Variants in RNF207 observed in about 807,000 individuals in gnomAD.
RNF207 encodes the protein ring finger protein 207.
A neutral mutation model predicts 79.0 loss-of-function variants in RNF207; 72 were observed. That is an observed-to-expected ratio of 0.91 (90% CI 0.75 to 1.11). RNF207 has a LOEUF of 1.11. Ranked by LOEUF, RNF207 falls within the 50% of genes least tolerant of loss-of-function variation. The pLI, the probability that RNF207 is intolerant of heterozygous loss-of-function variation, is 0.00. For missense variants in RNF207, 936 were observed against 855.8 expected (o/e 1.09, Z -1.17); for synonymous variants, 348 against 366.2 (o/e 0.95, Z 0.57).
In RNF207 at chr1:6,219,487, T is replaced by C. The variant is rs1253378414; in HGVS notation, c.*80T>C. ...ACTGGACAGAAGGTTGTTCCCATGA[T>C]GGTTTTTTTTATTTTTTATTTTTGA... On this transcript the variant is annotated 3_prime_UTR_variant, in exon 18 of 18. Transcript: ENST00000377939. 7 of 1,081,970 alleles carry C rather than the reference T, an allele frequency of 6.5e-6. No individual in the cohort carries two copies. Among genetic ancestry groups the C allele is most frequent in the Non-Finnish European group, 7.8e-6 (6 of 769,812 alleles). 67.0% of individuals were successfully genotyped at this position (1,081,970 alleles called of 1,614,324 possible).
In RNF207 at chr1:6,219,407, G is replaced by A. The variant is rs759173329; in HGVS notation, c.1905G>A (p.Ter635=). ...DVPTWREHPT[*] ...CCACATGGAGGGAACACCCGACTTA[G>A]CAAATGGGACCGGTCCCCAGGGTCA... is the stretch of plus-strand genomic sequence containing the variant. The change falls in exon 18 of 18, where the codon TAG becomes TAA. Residue 635 remains the stop codon, a stop_retained_variant. Transcript: ENST00000377939. 8.8e-6 allele frequency: 14 copies of A among 1,599,574 alleles called. No homozygotes were observed. The East Asian group carries it at 2.7e-4, about 31-fold the overall frequency.
At chr1:6,215,756 A>G (rs1040151171) in intron 16 of RNF207, among the ~76,000 whole-genome samples, 7 of 151,310 alleles carry the variant, frequency 4.6e-5, no homozygotes, top group Non-Finnish European at 1.0e-4. Flanking sequence ...TCCACCTCCC[A>G]GGTTCAATCG....
rs757688366 is a variant in RNF207, at chr1:6,210,188, G to A, written c.801-35G>A. ...GATGGAACTGCCCGGCCCTGCTCCTGGCCCCCTGGAAACCAGGCAGCCCCC... is the reference window on the plus strand; with the variant it reads ...GATGGAACTGCCCGGCCCTGCTCCTAGCCCCCTGGAAACCAGGCAGCCCCC... On this transcript the variant is annotated intron_variant, in intron 8 of 17. Coordinates refer to ENST00000377939, the MANE Select transcript of RNF207 (RefSeq NM_207396.3). 3.7e-5 allele frequency: 58 copies of A among 1,578,136 alleles called. 2 individuals carry two copies. The South Asian group carries it at 6.1e-4, about 17-fold the overall frequency.
chr1:6,212,914 A>T, intron 15 of RNF207, 152 bp from the exon 16 acceptor site: 1 of 761,462 alleles, frequency 1.3e-6, no homozygotes, highest in Non-Finnish European at 2.3e-6. Context: ...GTCAGGATTC[A>T]TTGAGTAGAA....
Position 6,219,660 on chromosome 1 carries a change from T to C in RNF207, c.*253T>C, listed in dbSNP as rs1557596519. ...GGCGCCTGACACCACGCCCCGCTAATTTTTTGTATTTTTAGTAGAGATGGG... is the reference window on the plus strand; with the variant it reads ...GGCGCCTGACACCACGCCCCGCTAACTTTTTGTATTTTTAGTAGAGATGGG... On this transcript the variant is annotated 3_prime_UTR_variant, in exon 18 of 18. Coordinates refer to ENST00000377939, the MANE Select transcript of RNF207 (RefSeq NM_207396.3). 2 of 224,114 alleles carry C rather than the reference T, an allele frequency of 8.9e-6. No homozygotes were observed. Among genetic ancestry groups the C allele is most frequent in the Non-Finnish European group, 1.7e-5 (2 of 114,410 alleles). The allele number at this position is 224,114 out of a possible 1,614,324, so 13.9% of individuals were successfully genotyped here.
At position 6,217,727 on chromosome 1, in the gene RNF207, C is replaced by A. The variant is rs910613705; in HGVS notation, c.1653-562C>A. ...CCTGAATCCAGATCATCATGGCCAA[C>A]CCTCCTACCCCTCCAGCCGCCATGA... is the stretch of plus-strand genomic sequence containing the variant. On this transcript the variant is annotated intron_variant, in intron 16 of 17. Coordinates refer to ENST00000377939, the MANE Select transcript of RNF207 (RefSeq NM_207396.3). This position sits in a 1 kb window ranked among gnomAD's most constrained non-coding sequence, Gnocchi z 4.2. 6.6e-6 allele frequency among the ~76,000 whole-genome samples: 1 copy of A among 152,162 alleles called. No individual in the cohort carries two copies. Among genetic ancestry groups the A allele is most frequent in the African/African-American group, 2.4e-5 (1 of 41,430 alleles).
chr1:6,213,202 TC>T lies in RNF207; in HGVS notation c.1652+22del. On this transcript the variant is annotated intron_variant, in intron 16 of 17. Coordinates refer to ENST00000377939, the MANE Select transcript of RNF207 (RefSeq NM_207396.3). ...AGCCCAGGTGAGGCCAAGGGGGTGT[TC>T]CCAGGGCCACTGAGACTCTTCAGAA... 1 of 1,502,180 alleles carries T rather than the reference TC, an allele frequency of 6.7e-7. No individual in the cohort carries two copies. The highest frequency in any genetic ancestry group is 9.3e-7 in the Non-Finnish European group (1 of 1,081,066). 93.1% of individuals were successfully genotyped at this position (1,502,180 alleles called of 1,614,324 possible).
intron 4 of RNF207, 23 bp downstream of exon 4, chr1:6,209,048 G>A (rs147735895): frequency 0.014 from 21,922 of 1,539,922 alleles, 355 homozygotes; most frequent in South Asian, 0.062. Flanking sequence ...TGCGGGGCCG[G>A]GGACTTGGGG....
chr1:6,212,173 C>A, intron 13 of RNF207, 58 bp from the exon 14 acceptor site: 2 of 1,562,192 alleles, frequency 1.3e-6, no homozygotes, highest in South Asian at 1.2e-5. Flanking sequence ...TCCACCAAGT[C>A]CATGGCAGTA....
At position 6,219,265 on chromosome 1, in the gene RNF207, G is replaced by C. The variant is rs780138739; in HGVS notation, c.1763G>C (p.Arg588Thr). The change falls in exon 18 of 18, where the codon AGA becomes ACA. Residue 588 changes from arginine (R) to threonine (T), a missense_variant. By Grantham distance (71) the Arg-to-Thr change is moderately conservative. Transcript: ENST00000377939. ...AATCCAGGAAGTGTCCCGGAAAAGAGAGAGAAGACATCAGAGCCTAAAGGA... is the reference window on the plus strand; with the variant it reads ...AATCCAGGAAGTGTCCCGGAAAAGACAGAGAAGACATCAGAGCCTAAAGGA... ...RNNPGSVPEK[R>T]EKTSEPKGNS... 4.3e-6 allele frequency: 7 copies of C among 1,612,454 alleles called. No homozygotes were observed. The Admixed American group carries it at 5.0e-5, about 12-fold the overall frequency.
rs41278918 is a variant in RNF207 at position 6,207,989 on chromosome 1, A to T, written c.324+478A>T. The T allele has an allele frequency of 0.02, 6,664 of 329,384 alleles. 138 individuals carry two copies. Among genetic ancestry groups the T allele is most frequent in the Non-Finnish European group, 0.027 (4,485 of 163,706 alleles). 20.4% of individuals were successfully genotyped at this position (329,384 alleles called of 1,614,324 possible). A position where few individuals can be genotyped will look rare whatever the true frequency, so the allele number is the denominator to read the frequency against. ...TCGGGAATCCCAGGAGGACGGCCCG[A>T]CTGGGGCAAAAGCTCCAGCGTTCTG... On this transcript the variant is annotated intron_variant, in intron 3 of 17. Transcript: ENST00000377939. The surrounding 1 kb of genome is among the most constrained non-coding windows in gnomAD (Gnocchi z 4.5).
intron 16 of RNF207, among the ~76,000 whole-genome samples, chr1:6,215,324 G>A (rs376152845): frequency 4.0e-5 from 6 of 149,888 alleles, no homozygotes; most frequent in East Asian, 2.0e-4. Context: ...CACTGCACCC[G>A]GCCCCCCTTT....
In RNF207 at chr1:6,212,377, G is replaced by A. The variant is rs1668212205; in HGVS notation, c.1443G>A (p.Glu481=). Residue 481 remains glutamate, a synonymous_variant, in exon 14 of 18, where the codon GAG becomes GAA. Coordinates refer to ENST00000377939, the MANE Select transcript of RNF207 (RefSeq NM_207396.3). ...SLQLDVQIAS[E]HASLEGMRVV... The stretch of plus-strand genomic sequence containing the variant: ...AACTGGACGTGCAGATCGCCTCGGA[G>A]CACGCCTCCTTAGAGGGCATGAGGG... 6.2e-7 allele frequency: 1 copy of A among 1,613,384 alleles called. No homozygotes were observed. Among genetic ancestry groups the A allele is most frequent in the Admixed American group, 1.7e-5 (1 of 59,952 alleles).
chr1:6,211,547 C>T lies in RNF207; in HGVS notation c.1110-320C>T, dbSNP rs1203334676. Among the ~76,000 whole-genome samples the T allele has an allele frequency of 2.0e-5, 3 of 152,150 alleles. No individual in the cohort carries two copies. The highest frequency in any genetic ancestry group is 4.4e-5 in the Non-Finnish European group (3 of 68,016). On this transcript the variant is annotated intron_variant, in intron 12 of 17. Transcript: ENST00000377939. The surrounding 1 kb of genome is among the most constrained non-coding windows in gnomAD (Gnocchi z 4.2). Reference sequence around the variant, plus strand: ...ATGTGTGTGTCCAGGGGCCCCAAGACCAAGAGAGACTGGGCCCACACTTCC... The same window carrying T: ...ATGTGTGTGTCCAGGGGCCCCAAGATCAAGAGAGACTGGGCCCACACTTCC...
In RNF207 at chr1:6,207,695, A is replaced by G. The variant is rs1405824035; in HGVS notation, c.324+184A>G. 1 of 746,002 alleles carries G rather than the reference A, an allele frequency of 1.3e-6. No individual in the cohort carries two copies. Among genetic ancestry groups the G allele is most frequent in the Non-Finnish European group, 2.4e-6 (1 of 425,134 alleles). The allele number at this position is 746,002 out of a possible 1,614,324, so 46.2% of individuals were successfully genotyped here. On this transcript the variant is annotated intron_variant, in intron 3 of 17. Coordinates refer to ENST00000377939, the MANE Select transcript of RNF207 (RefSeq NM_207396.3). The surrounding 1 kb of genome is among the most constrained non-coding windows in gnomAD (Gnocchi z 4.5). ...TACCGGTGGGGAGACTGAGGTCCAGAACAAGGGACTTGAGCCAGTGTCCAG... is the reference window on the plus strand; with the variant it reads ...TACCGGTGGGGAGACTGAGGTCCAGGACAAGGGACTTGAGCCAGTGTCCAG...
rs910759146 is a variant in RNF207, at chr1:6,220,225, T to C, written c.*818T>C. 1.3e-5 allele frequency: 2 copies of C among 152,220 alleles called. No homozygotes were observed. Among genetic ancestry groups the C allele is most frequent in the African/African-American group, 2.4e-5 (1 of 41,458 alleles). 9.4% of individuals were successfully genotyped at this position (152,220 alleles called of 1,614,324 possible). A position where few individuals can be genotyped will look rare whatever the true frequency, so the allele number is the denominator to read the frequency against. On this transcript the variant is annotated 3_prime_UTR_variant, in exon 18 of 18. Transcript: ENST00000377939. ...GTGTTTGCATGGCATGAAGTCTTCGTCCTTGTCACAGTAGCTTGGGATGAC... is the reference window on the plus strand; with the variant it reads ...GTGTTTGCATGGCATGAAGTCTTCGCCCTTGTCACAGTAGCTTGGGATGAC...
intron 16 of RNF207, 125 bp downstream of exon 16, chr1:6,213,308 G>A (rs1448354808): frequency 3.4e-6 from 2 of 582,018 alleles, no homozygotes; most frequent in Non-Finnish European, 6.2e-6. Context: ...ATAACCTGAG[G>A]TCAGCAGTTC....
intron 14 of RNF207, 82 bp downstream of exon 14, chr1:6,212,498 G>C: frequency 7.1e-7 from 1 of 1,405,598 alleles, no homozygotes; most frequent in East Asian, 2.3e-5. Flanking sequence ...CGGGGAAAGA[G>C]GACCTGGCCT....
Position 6,209,961 on chromosome 1 carries a change from C to A in RNF207, c.791C>A (p.Ala264Asp). 6.3e-7 allele frequency: 1 copy of A among 1,592,276 alleles called. No individual in the cohort carries two copies. The highest frequency in any genetic ancestry group is 8.6e-7 in the Non-Finnish European group (1 of 1,168,896). ...LAERKALLLQ[A>D]VQSQYEEKDK... The stretch of plus-strand genomic sequence containing the variant: ...GAGAGGAAAGCGCTGCTGCTGCAGG[C>A]TGTGCAGAGGTGAGTTGGGGGGAGC... The change falls in exon 8 of 18, where the codon GCT (alanine) becomes GAT (aspartate). Residue 264 changes from alanine to aspartate, a missense_variant. Physicochemically the swap from Ala to Asp is moderately radical, Grantham distance 126. Coordinates refer to ENST00000377939, the MANE Select transcript of RNF207 (RefSeq NM_207396.3).
Sources: allele counts gnomAD v4.1 joint callset (sites outside exome capture counted in the v4.1 genomes callset), GRCh38; gene constraint gnomAD v4.1.1; non-coding constraint Gnocchi (gnomAD v3.1); transcripts MANE v1.5; gene names NCBI Gene and HGNC (gene_info 2026-07-23, HGNC 2026-07-21).